The following CNTNAP2 variants were observed in gnomAD, a reference collection of about 807,000 sequenced individuals.
The protein encoded by CNTNAP2 is contactin associated protein 2.
In CNTNAP2, 98 loss-of-function variants were observed where a neutral mutation model predicts 155.2. The ratio of observed to expected loss-of-function variants is 0.63; its 90% confidence interval spans 0.54 to 0.75. The LOEUF (loss-of-function observed/expected upper bound fraction) is 0.75. CNTNAP2 is among the 30% of genes least tolerant of loss of function. The pLI, the probability that CNTNAP2 is intolerant of heterozygous loss-of-function variation, is 0.00. For synonymous variants in CNTNAP2, 651 were observed against 631.2 expected (o/e 1.03, Z -0.47); for missense variants, 1,727 against 1,688.1 (o/e 1.02, Z -0.40).
intron 8 of CNTNAP2, among the ~76,000 whole-genome samples, chr7:147,249,218 G>A (rs946976742): frequency 6.6e-6 from 1 of 152,074 alleles, no homozygotes; most frequent in Non-Finnish European, 1.5e-5. Flanking sequence ...AAAAACAGAA[G>A]AAAGGCTAGG....
intron 13 of CNTNAP2, among the ~76,000 whole-genome samples, chr7:147,751,018 G>T (rs1413524705): frequency 6.6e-6 from 1 of 151,506 alleles, no homozygotes; most frequent in Non-Finnish European, 1.5e-5. Flanking sequence ...CCAGCCCGGG[G>T]GACACAGCGA....
chr7:146,711,465 A>C (rs1191963789), intron 1 of CNTNAP2, among the ~76,000 whole-genome samples: 2 of 148,288 alleles, frequency 1.3e-5, no homozygotes, highest in Non-Finnish European at 3.0e-5. Flanking sequence ...TATAATATAT[A>C]TGAACATATT....
At chr7:147,348,137 T>G (rs570966109) in intron 9 of CNTNAP2, among the ~76,000 whole-genome samples, 2 of 151,940 alleles carry the variant, frequency 1.3e-5, no homozygotes. Context: ...GAATAAGGCC[T>G]CAAACACACA....
chr7:146,171,252 A>G (rs1255501877), intron 1 of CNTNAP2, among the ~76,000 whole-genome samples: 1 of 152,152 alleles, frequency 6.6e-6, no homozygotes, highest in Non-Finnish European at 1.5e-5. Context: ...AAGTAGAAAA[A>G]AATATATTTG....
At chr7:147,386,633 A>G (rs965562170) in intron 9 of CNTNAP2, among the ~76,000 whole-genome samples, 6 of 152,110 alleles carry the variant, frequency 3.9e-5, no homozygotes, top group Admixed American at 6.6e-5. Flanking sequence ...CCTGGATTTC[A>G]TTGTCCATAT....
chr7:147,125,913 C>A (rs936751657), intron 6 of CNTNAP2, among the ~76,000 whole-genome samples: 2 of 152,172 alleles, frequency 1.3e-5, no homozygotes, highest in African/African-American at 4.8e-5. Flanking sequence ...AATGGCTGCT[C>A]CACGATCTTC....
At chr7:147,137,917 GTAGA>G (rs1801520676) in intron 8 of CNTNAP2, among the ~76,000 whole-genome samples, 1 of 51,214 alleles carries the variant, frequency 2.0e-5, no homozygotes, top group Admixed American at 2.3e-4. Flanking sequence ...AGATAGATAG[GTAGA>G]TAGATAAAAA....
chr7:147,515,180 C>A (rs1799097039), intron 11 of CNTNAP2, among the ~76,000 whole-genome samples: 1 of 152,112 alleles, frequency 6.6e-6, no homozygotes, highest in Admixed American at 6.5e-5. Context: ...ATGGCAAGAT[C>A]CATCAACTCC....
chr7:146,431,540 G>C (rs1190265098), intron 1 of CNTNAP2, among the ~76,000 whole-genome samples: 1 of 152,022 alleles, frequency 6.6e-6, no homozygotes, highest in African/African-American at 2.4e-5. Context: ...GCCAACCTGT[G>C]AAGAGCGTAC....
intron 22 of CNTNAP2, among the ~76,000 whole-genome samples, chr7:148,394,471 G>A (rs767132220): frequency 6.6e-6 from 1 of 151,872 alleles, no homozygotes; most frequent in Non-Finnish European, 1.5e-5. Context: ...TTTTTTCCCA[G>A]AATTTTCCTG....
chr7:148,021,925 G>C (rs1802285888), intron 15 of CNTNAP2, among the ~76,000 whole-genome samples: 1 of 152,164 alleles, frequency 6.6e-6, no homozygotes, highest in Non-Finnish European at 1.5e-5. Context: ...GTTGTCACAA[G>C]AGGCACTACT....
chr7:148,339,793 G>A (rs1798195904), intron 21 of CNTNAP2, among the ~76,000 whole-genome samples: 2 of 152,190 alleles, frequency 1.3e-5, no homozygotes, highest in African/African-American at 4.8e-5. Flanking sequence ...TCTGCAAGCA[G>A]CGCTTTTGGT....
At chr7:148,267,952 T>A (rs911624072) in intron 21 of CNTNAP2, among the ~76,000 whole-genome samples, 4 of 152,112 alleles carry the variant, frequency 2.6e-5, no homozygotes, top group Non-Finnish European at 4.4e-5. Flanking sequence ...AGAAGGCCAA[T>A]AAGGAATTTG....
At chr7:147,851,254 T>A (rs1344157485) in intron 13 of CNTNAP2, among the ~76,000 whole-genome samples, 1 of 152,066 alleles carries the variant, frequency 6.6e-6, no homozygotes, top group African/African-American at 2.4e-5. Context: ...ATGGCGATCA[T>A]TAAAAAGTCA....
chr7:147,266,938 A>T (rs1197344130), intron 8 of CNTNAP2, among the ~76,000 whole-genome samples: 1 of 152,178 alleles, frequency 6.6e-6, no homozygotes, highest in Admixed American at 6.5e-5. Context: ...TAGTGTTATG[A>T]TTAAATGGCA....
At chr7:147,683,040 C>T (rs898804885) in intron 13 of CNTNAP2, among the ~76,000 whole-genome samples, 10 of 151,690 alleles carry the variant, frequency 6.6e-5, no homozygotes, top group Admixed American at 6.6e-4. Flanking sequence ...TGGCAAGATA[C>T]CAAATGGAAT....
At chr7:148,365,256 G>C (rs976961600) in intron 21 of CNTNAP2, among the ~76,000 whole-genome samples, 3 of 152,154 alleles carry the variant, frequency 2.0e-5, no homozygotes, top group Non-Finnish European at 2.9e-5. Flanking sequence ...AGAGCACGAG[G>C]CTTTCTTTAA....
intron 1 of CNTNAP2, among the ~76,000 whole-genome samples, chr7:146,539,867 T>A (rs1339844473): frequency 6.6e-6 from 1 of 152,102 alleles, no homozygotes; most frequent in African/African-American, 2.4e-5. Context: ...GACTGTTAAT[T>A]TCCTAAAAGA....
intron 2 of CNTNAP2, among the ~76,000 whole-genome samples, chr7:146,808,958 A>G (rs941622890): frequency 1.3e-5 from 2 of 152,120 alleles, no homozygotes; most frequent in Non-Finnish European, 2.9e-5. Context: ...TTTGTTATCT[A>G]TACACCTGTT....
Sources: gnomAD v4.1 joint callset for allele counts (sites outside exome capture counted in the v4.1 genomes callset) on GRCh38, gnomAD v4.1.1 for gene constraint, MANE v1.5 for transcripts, NCBI Gene and HGNC (gene_info 2026-07-23, HGNC 2026-07-21) for gene names.